ERCC6L2: variants seen among roughly 807,000 people sequenced by gnomAD.
ERCC6L2 encodes the protein DNA excision repair protein ERCC-6-like 2.
A neutral mutation model predicts 132.0 loss-of-function variants in ERCC6L2; 77 were observed. The observed-to-expected ratio is 0.58, with a 90% confidence interval of 0.49 to 0.71. The LOEUF (loss-of-function observed/expected upper bound fraction) is 0.71, where lower values mean the gene tolerates loss of function less well. ERCC6L2 is among the 30% of genes least tolerant of loss of function. The pLI, the probability that ERCC6L2 is intolerant of heterozygous loss-of-function variation, is 0.00. For synonymous variants in ERCC6L2, 583 were observed against 632.4 expected, an observed-to-expected ratio of 0.92 and a Z score of 1.17; for missense variants, 1,542 against 1,837.6, an observed-to-expected ratio of 0.84 and a Z score of 2.94.
At chr9:96,026,805 C>CACACACAT (rs1834376063) in intron 19 of ERCC6L2, among the ~76,000 whole-genome samples, 1 of 146,840 alleles carries the variant, frequency 6.8e-6, no homozygotes, top group Admixed American at 6.8e-5. Flanking sequence ...ACACACATAC[C>CACACACAT]ACAACACACA....
rs775582039 is a variant in ERCC6L2, at chr9:95,915,765, C to T, written c.886C>T (p.Arg296Cys). ...TATGAAAGCTTTGAAATGTAATGTC[C>T]GCATTGGCCTCACTGGAACCATCCT... is the stretch of plus-strand genomic sequence containing the variant. ...EVMKALKCNV[R>C]IGLTGTILQN... Residue 296 changes from arginine (R) to cysteine (C), a missense_variant, in exon 5 of 19, where the codon CGC becomes TGC. Coordinates refer to ENST00000653738, the MANE Select transcript of ERCC6L2 (RefSeq NM_020207.7). The T allele has an allele frequency of 8.1e-6, 13 of 1,613,716 alleles. No homozygotes were observed. Among genetic ancestry groups the T allele is most frequent in the South Asian group, 4.4e-5 (4 of 91,052 alleles).
downstream of ERCC6L2, among the ~76,000 whole-genome samples, chr9:96,022,201 G>T (rs949477972): frequency 1.3e-5 from 2 of 152,194 alleles, no homozygotes; most frequent in African/African-American, 4.8e-5. Context: ...ACCTCTCCCC[G>T]GGTTCCGAGG....
chr9:95,922,226 G>T, intron 7 of ERCC6L2, 79 bp from the exon 8 acceptor site: 2 of 636,436 alleles, frequency 3.1e-6, no homozygotes. Flanking sequence ...AAATGTTATT[G>T]TAAGTGATAC....
chr9:95,909,617 TGAG>T (rs1412581484), intron 4 of ERCC6L2, among the ~76,000 whole-genome samples: 4 of 152,212 alleles, frequency 2.6e-5, no homozygotes, highest in Non-Finnish European at 5.9e-5. Flanking sequence ...TCATTCATGT[TGAG>T]GAGTGTATCA....
chr9:96,031,153 G>A (rs960139645), intron 19 of ERCC6L2, among the ~76,000 whole-genome samples: 4 of 152,228 alleles, frequency 2.6e-5, no homozygotes, highest in Non-Finnish European at 4.4e-5. Context: ...TTGAGATAGA[G>A]CAGTGTCTGT....
intron 17 of ERCC6L2, among the ~76,000 whole-genome samples, chr9:95,992,307 ACTC>A (rs1378845561): frequency 6.6e-6 from 1 of 152,158 alleles, no homozygotes; most frequent in Non-Finnish European, 1.5e-5. Context: ...ACAAACAAAA[ACTC>A]CTTGAGATTC....
intron 14 of ERCC6L2, chr9:95,967,937 T>A (rs760660119): frequency 2.0e-5 from 3 of 152,188 alleles, no homozygotes; most frequent in Non-Finnish European, 2.9e-5. Flanking sequence ...TATAAAAATA[T>A]TAGCATTTTA....
chr9:96,020,851 C>T (rs1452581673), downstream of ERCC6L2: 1 of 456,750 alleles, frequency 2.2e-6, no homozygotes, highest in Non-Finnish European at 4.4e-6. Flanking sequence ...AGAGCAGCAG[C>T]AACGTGGGCT....
chr9:95,961,887 C>T (rs116292446), intron 13 of ERCC6L2, among the ~76,000 whole-genome samples: 20,020 of 152,050 alleles, frequency 0.13, 1,384 homozygotes, highest in South Asian at 0.24. Context: ...GAGAATCAAA[C>T]GAAAGGGGTT....
At position 95,916,387 on chromosome 9, in the gene ERCC6L2, C is replaced by G; in HGVS notation, c.1111C>G (p.Arg371Gly). The G allele has an allele frequency of 6.2e-7, 1 of 1,602,868 alleles. No individual in the cohort carries two copies. The highest frequency in any genetic ancestry group is 8.5e-7 in the Non-Finnish European group (1 of 1,176,788). ...AKKMSGWFLR[R>G]TKTLIKDQLP... The stretch of plus-strand genomic sequence containing the variant: ...AAAGATGTCTGGCTGGTTTCTCAGG[C>G]GCACCAAGACTCTTATCAAGGATCA... Residue 371 changes from arginine to glycine, a missense_variant, in exon 6 of 19, where the codon CGC becomes GGC. Coordinates refer to ENST00000653738, the MANE Select transcript of ERCC6L2 (RefSeq NM_020207.7).
At chr9:95,933,828 A>G (rs906290041) in intron 11 of ERCC6L2, among the ~76,000 whole-genome samples, 1 of 138,164 alleles carries the variant, frequency 7.2e-6, no homozygotes, top group Non-Finnish European at 1.5e-5. Flanking sequence ...TGGACAAGAC[A>G]GAGCAAGACT....
chr9:95,919,666 C>T (rs751189394), intron 6 of ERCC6L2, among the ~76,000 whole-genome samples: 3 of 152,150 alleles, frequency 2.0e-5, no homozygotes, highest in Non-Finnish European at 4.4e-5. Context: ...AAGATACCGT[C>T]GTTGTTATAG....
chr9:96,008,746 C>T (rs553500815), intron 18 of ERCC6L2, among the ~76,000 whole-genome samples: 6 of 152,314 alleles, frequency 3.9e-5, no homozygotes, highest in Non-Finnish European at 7.4e-5. Flanking sequence ...AAAGAGTAAT[C>T]GTGTTATCTT....
chr9:95,907,857 C>CACACACACAAACACACACA, intron 4 of ERCC6L2, among the ~76,000 whole-genome samples: 2 of 133,740 alleles, frequency 1.5e-5, no homozygotes, highest in African/African-American at 5.6e-5. Flanking sequence ...ACACACACAC[C>CACACACACAAACACACACA]CCCACACCCA....
In ERCC6L2 at chr9:95,941,604, C is replaced by G. The variant is rs574248648; in HGVS notation, c.1847+55C>G. On this transcript the variant is annotated intron_variant, in intron 12 of 18. Transcript: ENST00000653738. ...TGCAAATACTTTTAATCTAAAAATA[C>G]TCTTGAACTTTTAAGGTTGCTTATA... The G allele has an allele frequency of 3.1e-6, 4 of 1,306,308 alleles. No individual in the cohort carries two copies. In the South Asian group the frequency reaches 3.6e-5, roughly 12 times the overall value. 80.9% of individuals were successfully genotyped at this position (1,306,308 alleles called of 1,614,324 possible). A position where few individuals can be genotyped will look rare whatever the true frequency, so the allele number is the denominator to read the frequency against.
chr9:95,936,397 A>G (rs1265958414), intron 11 of ERCC6L2, among the ~76,000 whole-genome samples: 1 of 152,136 alleles, frequency 6.6e-6, no homozygotes, highest in Non-Finnish European at 1.5e-5. Flanking sequence ...GTTGCAGTGT[A>G]ACTCTTGGCT....
At chr9:95,918,380 A>G in intron 6 of ERCC6L2, 2 of 361,692 alleles carry the variant, frequency 5.5e-6, no homozygotes, top group South Asian at 2.3e-5. Context: ...CACAGATTTT[A>G]TTTGAGTCCG....
intron 16 of ERCC6L2, among the ~76,000 whole-genome samples, chr9:95,974,336 A>G (rs1049916268): frequency 3.3e-5 from 5 of 152,166 alleles, no homozygotes; most frequent in Non-Finnish European, 2.9e-5. Context: ...AAATATGTCT[A>G]TATGCCATAA....
Position 96,014,638 on chromosome 9 carries a change from G to A in ERCC6L2, c.*1435G>A, listed in dbSNP as rs1834139873. The A allele has an allele frequency of 6.6e-6, 1 of 152,216 alleles. No individual in the cohort carries two copies. The highest frequency in any genetic ancestry group is 2.4e-5 in the African/African-American group (1 of 41,454). The allele number at this position is 152,216 out of a possible 1,614,324, so 9.4% of individuals were successfully genotyped here. On this transcript the variant is annotated 3_prime_UTR_variant, in exon 19 of 19. Transcript: ENST00000653738. ...GTTTGGTAGGGCAGTGGGTTTGTGTGTGTGTTAATCCTCTCACAACCCACT... is the reference window on the plus strand; with the variant it reads ...GTTTGGTAGGGCAGTGGGTTTGTGTATGTGTTAATCCTCTCACAACCCACT...
Sources: allele counts gnomAD v4.1 joint callset (sites outside exome capture counted in the v4.1 genomes callset), GRCh38; gene constraint gnomAD v4.1.1; transcripts MANE v1.5; gene names NCBI Gene and HGNC (gene_info 2026-07-23, HGNC 2026-07-21).